The following LAMA5 variants were observed in gnomAD, a reference collection of about 807,000 sequenced individuals.
LAMA5 encodes laminin subunit alpha 5.
LAMA5 carries 260 observed loss-of-function variants against 433.4 expected under a neutral mutation model. The observed-to-expected ratio is 0.60, with a 90% CI of 0.54 to 0.66. LAMA5 has a LOEUF of 0.66. Among genes scored for constraint, LAMA5 ranks in the 30% least tolerant of loss-of-function variants. The pLI is 0.00. For missense variants in LAMA5, 5,378 were observed against 5,258.5 expected (o/e 1.02, Z -0.70); for synonymous variants, 2,620 against 2,226.6 (o/e 1.18, Z -4.97).
rs751556839 is a variant in LAMA5, at chr20:62,330,466, ACC to A, written c.3979+20_3979+21del. On this transcript the variant is annotated intron_variant, in intron 31 of 79. Coordinates refer to ENST00000252999, the MANE Select transcript of LAMA5 (RefSeq NM_005560.6). ...CCTCATCGTGTGTGGTAGCCTCTCC[ACC>A]CCCCACACCAGACACTCACCCTGCC... The A allele has an allele frequency of 4.0e-6, 6 of 1,517,094 alleles. No homozygotes were observed. The highest frequency in any genetic ancestry group is 4.4e-6 in the Non-Finnish European group (5 of 1,129,992). The allele number at this position is 1,517,094 out of a possible 1,614,324, so 94.0% of individuals were successfully genotyped here. A position where few individuals can be genotyped will look rare whatever the true frequency, so the allele number is the denominator to read the frequency against.
At chr20:62,351,322 G>A (rs1056977125) in intron 6 of LAMA5, 12 of 325,402 alleles carry the variant, frequency 3.7e-5, no homozygotes, top group Middle Eastern at 8.9e-4. Flanking sequence ...TGTCCATTCC[G>A]GGGGATGCAG....
intron 1 of LAMA5, among the ~76,000 whole-genome samples, chr20:62,366,240 G>GGAC (rs1225384190): frequency 2.6e-5 from 4 of 152,214 alleles, no homozygotes; most frequent in Non-Finnish European, 5.9e-5. Context: ...CAGGTGAGGT[G>GGAC]TCCATGCATG....
At chr20:62,358,609 G>A (rs566769248) in intron 2 of LAMA5, among the ~76,000 whole-genome samples, 3 of 152,288 alleles carry the variant, frequency 2.0e-5, no homozygotes, top group Admixed American at 2.0e-4. Flanking sequence ...GGCGCGCTGG[G>A]CCTCCGGCAG....
intron 11 of LAMA5, among the ~76,000 whole-genome samples, chr20:62,341,063 TAAA>T (rs1395291049): frequency 8.7e-5 from 13 of 149,230 alleles, no homozygotes; most frequent in Admixed American, 2.0e-4. Context: ...AATAAATAAA[TAAA>T]TAAATAAATA....
chr20:62,323,754 C>G (rs753649282), intron 44 of LAMA5, 22 bp downstream of exon 44: 1 of 1,605,422 alleles, frequency 6.2e-7, no homozygotes, highest in Non-Finnish European at 8.5e-7. Flanking sequence ...GGCCCTGCCC[C>G]ACTGCCCTAG....
In LAMA5 at chr20:62,346,770, C is replaced by T; in HGVS notation, c.1103G>A (p.Cys368Tyr). ...CCGGTCCACCTCAGGGTCGTAGTAA[C>T]AGTCGGTGGCATGGCCGTAGCAGTT... ...SCNCYGHATDCYYDPEVDRRR... is the reference protein window; with the variant it reads ...SCNCYGHATDYYYDPEVDRRR... Residue 368 changes from cysteine to tyrosine, a missense_variant, in exon 8 of 80, where the codon TGT (cysteine) becomes TAT (tyrosine). Cys to Tyr is a radical substitution (Grantham distance 194). Coordinates refer to ENST00000252999, the MANE Select transcript of LAMA5 (RefSeq NM_005560.6). 2 of 1,612,672 alleles carry T rather than the reference C, an allele frequency of 1.2e-6. No individual in the cohort carries two copies. The highest frequency in any genetic ancestry group is 1.7e-6 in the Non-Finnish European group (2 of 1,179,700).
At chr20:62,345,935 C>A in intron 10 of LAMA5, 58 bp from the exon 11 acceptor site, 5 of 1,553,492 alleles carry the variant, frequency 3.2e-6, no homozygotes, top group Non-Finnish European at 4.4e-6. Flanking sequence ...GCACCCTACA[C>A]CCCCTGCCAC....
intron 11 of LAMA5, among the ~76,000 whole-genome samples, chr20:62,339,231 CTTTT>C (rs151158845): frequency 7.1e-5 from 4 of 55,986 alleles, no homozygotes; most frequent in African/African-American, 1.8e-4. Flanking sequence ...ATTATAGTTT[CTTTT>C]TTTTTTTTTT....
In LAMA5 at chr20:62,337,675, A is replaced by T; in HGVS notation, c.2079T>A (p.Ser693Arg). The T allele has an allele frequency of 6.2e-7, 1 of 1,612,064 alleles. No individual in the cohort carries two copies. The highest frequency in any genetic ancestry group is 8.5e-7 in the Non-Finnish European group (1 of 1,179,602). ...GSLHAACDPR[S>R]GQCSCRPRVT... is the part of the protein sequence containing the mutation. ...CACGGGGCCGGCAGCTGCACTGCCC[A>T]CTCCGGGGGTCACAGGCTGCGTGCA... Residue 693 changes from serine to arginine, a missense_variant, in exon 16 of 80, where the codon AGT becomes AGA. Coordinates refer to ENST00000252999, the MANE Select transcript of LAMA5 (RefSeq NM_005560.6).
chr20:62,332,384 T>C lies in LAMA5; in HGVS notation c.3540A>G (p.Ala1180=). The C allele has an allele frequency of 6.2e-7, 1 of 1,611,930 alleles. No homozygotes were observed. The highest frequency in any genetic ancestry group is 8.5e-7 in the Non-Finnish European group (1 of 1,179,240). The change falls in exon 28 of 80, where the codon GCA becomes GCG. Residue 1180 remains alanine (A), a synonymous_variant. Coordinates refer to ENST00000252999, the MANE Select transcript of LAMA5 (RefSeq NM_005560.6). The part of the protein sequence containing the change: ...EASVRLTAEQ[A]RFFLHGVTLV... ...GAGGGGTCCTTACCAGGAAGAAGCG[T>C]GCCTGTTCGGCTGTGAGCCTCACGC...
chr20:62,321,991 G>A (rs371162101), intron 48 of LAMA5, 28 bp downstream of exon 48: 1 of 1,591,996 alleles, frequency 6.3e-7, no homozygotes, highest in Non-Finnish European at 8.5e-7. Context: ...TCCATCAGGT[G>A]TGGGGAAGTG....
chr20:62,328,043 C>A (rs1013362715), intron 35 of LAMA5, 33 bp from the exon 36 acceptor site: 1 of 1,609,060 alleles, frequency 6.2e-7, no homozygotes, highest in Admixed American at 1.7e-5. Flanking sequence ...GCCCCCTCCA[C>A]CCCAGGTCAC....
At chr20:62,353,090 C>T (rs774786820) in intron 3 of LAMA5, 44 bp downstream of exon 3, 17 of 1,394,226 alleles carry the variant, frequency 1.2e-5, no homozygotes, top group Non-Finnish European at 1.1e-5. Context: ...TGCCCAGGGA[C>T]CCCCCTGCCT....
intron 26 of LAMA5, 37 bp from the exon 27 acceptor site, chr20:62,332,754 C>T (rs1044865234): frequency 9.4e-6 from 15 of 1,598,320 alleles, no homozygotes; most frequent in South Asian, 1.1e-5. Context: ...GCCCGCCACC[C>T]CTCGCCCTTC....
At position 62,328,454 on chromosome 20, in the gene LAMA5, C is replaced by T. The variant is rs755351352; in HGVS notation, c.4448-9G>A. On this transcript the variant is annotated splice_polypyrimidine_tract_variant and intron_variant, in intron 34 of 79. Transcript: ENST00000252999. ...GGCACCGCAGTCACAGGCTGTGGGG[C>T]GGGTACAGGGTTTACTGACCCCTCT... The T allele has an allele frequency of 1.7e-5, 25 of 1,484,442 alleles. No individual in the cohort carries two copies. Among genetic ancestry groups the T allele is most frequent in the Middle Eastern group, 1.9e-4 (1 of 5,398 alleles). The allele number at this position is 1,484,442 out of a possible 1,614,324, so 92.0% of individuals were successfully genotyped here.
At position 62,367,287 on chromosome 20, in the gene LAMA5, G is replaced by T. The variant is rs911952030; in HGVS notation, c.-42C>A. ...CGCGTCCCCGAGCTCCAGGGACAGC[G>T]CGCGCGGCGGGAGCCCGGCGGGTCT... On this transcript the variant is annotated 5_prime_UTR_variant, in exon 1 of 80. Coordinates refer to ENST00000252999, the MANE Select transcript of LAMA5 (RefSeq NM_005560.6). The T allele has an allele frequency of 1.8e-6, 2 of 1,136,408 alleles. No individual in the cohort carries two copies. Among genetic ancestry groups the T allele is most frequent in the African/African-American group, 3.3e-5 (2 of 60,934 alleles). The allele number at this position is 1,136,408 out of a possible 1,614,324, so 70.4% of individuals were successfully genotyped here. A position where few individuals can be genotyped will look rare whatever the true frequency, so the allele number is the denominator to read the frequency against.
chr20:62,349,332 C>T (rs1983845482), intron 6 of LAMA5, among the ~76,000 whole-genome samples: 1 of 136,250 alleles, frequency 7.3e-6, no homozygotes, highest in Non-Finnish European at 1.6e-5. Flanking sequence ...CAATCCTCAA[C>T]ACATCACAAT....
At position 62,359,860 on chromosome 20, in the gene LAMA5, C is replaced by T. The variant is rs193009904; in HGVS notation, c.450+2540G>A. ...CACCGCACACCAGGGGTATGAGATC[C>T]GAACCGTGATGCAGCCCACCCCGCC... On this transcript the variant is annotated intron_variant, in intron 2 of 79. Coordinates refer to ENST00000252999, the MANE Select transcript of LAMA5 (RefSeq NM_005560.6). This position sits in a 1 kb window ranked among gnomAD's most constrained non-coding sequence, Gnocchi z 4.3. Among the ~76,000 whole-genome samples the T allele has an allele frequency of 7.2e-5, 11 of 152,182 alleles. No homozygotes were observed. Among genetic ancestry groups the T allele is most frequent in the East Asian group, 1.9e-4 (1 of 5,158 alleles).
chr20:62,334,764 C>CGAGGGT (rs1404245380), intron 20 of LAMA5, 143 bp from the exon 21 acceptor site: 5 of 537,674 alleles, frequency 9.3e-6, no homozygotes, highest in Non-Finnish European at 1.6e-5. Context: ...AGGGCGAGGG[C>CGAGGGT]GAGGGCGAGG....
Sources: gnomAD v4.1 joint callset for allele counts (sites outside exome capture counted in the v4.1 genomes callset) on GRCh38, gnomAD v4.1.1 for gene constraint, Gnocchi (gnomAD v3.1) non-coding constraint, MANE v1.5 for transcripts, NCBI Gene and HGNC (gene_info 2026-07-23, HGNC 2026-07-21) for gene names.